The following EGFLAM variants were observed in gnomAD, a reference collection of about 807,000 sequenced individuals.
EGFLAM encodes the protein pikachurin.
Under a neutral mutation model 113.1 loss-of-function variants are expected in EGFLAM, and 79 were observed. That is an observed-to-expected ratio of 0.70 (90% CI 0.58 to 0.84). The LOEUF (loss-of-function observed/expected upper bound fraction) is 0.84. Among genes scored for constraint, EGFLAM ranks in the 40% least tolerant of loss-of-function variants. The pLI, the probability that EGFLAM is intolerant of heterozygous loss-of-function variation, is 0.00. For synonymous variants in EGFLAM, 504 were observed against 487.6 expected (o/e 1.03, Z -0.44); for missense variants, 1,265 against 1,291.6 (o/e 0.98, Z 0.32).
intron 1 of EGFLAM, among the ~76,000 whole-genome samples, chr5:38,294,168 A>G (rs960377654): frequency 4.6e-5 from 7 of 152,152 alleles, no homozygotes; most frequent in Non-Finnish European, 8.8e-5. Context: ...TCCTTGTTAT[A>G]GGTTAAACTC....
chr5:38,350,708 C>G (rs1561288871), intron 4 of EGFLAM, 90 bp downstream of exon 4: 2 of 1,240,410 alleles, frequency 1.6e-6, no homozygotes, highest in Non-Finnish European at 1.2e-6. Context: ...TACTATGTGC[C>G]AAGCACTGTG....
At chr5:38,283,088 A>T (rs751902954) in intron 1 of EGFLAM, among the ~76,000 whole-genome samples, 6 of 152,078 alleles carry the variant, frequency 3.9e-5, no homozygotes, top group Non-Finnish European at 8.8e-5. Context: ...CTGCCCACCT[A>T]GGCCTCCCAA....
chr5:38,390,482 G>A (rs1217501237), intron 6 of EGFLAM, among the ~76,000 whole-genome samples: 1 of 151,776 alleles, frequency 6.6e-6, no homozygotes, highest in African/African-American at 2.4e-5. Flanking sequence ...TTCCTTGTAT[G>A]TGTGTACAAG....
At position 38,456,469 on chromosome 5, in the gene EGFLAM, TC is replaced by T. The variant is rs1214673075; in HGVS notation, c.2688-1841del. ...AGTATTTAGCCACCAAATCATGAAA[TC>T]TCAAAATTCCGCCACCAGGCTGCTT... On this transcript the variant is annotated intron_variant, in intron 19 of 21. Coordinates refer to ENST00000322350, the MANE Select transcript of EGFLAM (RefSeq NM_152403.4). Among the ~76,000 whole-genome samples the T allele has an allele frequency of 5.3e-5, 8 of 152,254 alleles. No homozygotes were observed. The East Asian group carries it at 1.5e-3, about 29-fold the overall frequency.
intron 1 of EGFLAM, among the ~76,000 whole-genome samples, chr5:38,324,620 T>C (rs1420274043): frequency 6.6e-6 from 1 of 151,888 alleles, no homozygotes; most frequent in Non-Finnish European, 1.5e-5. Context: ...TCCAATCCAA[T>C]GGCCCCAGCC....
Position 38,406,139 on chromosome 5 carries a change from G to A in EGFLAM, c.726G>A (p.Ala242=), listed in dbSNP as rs757172542. Reference sequence around the variant, plus strand: ...TTCTTTGTGAAGGCCCTGAGGAGGCGGGAAGTGGCCGCTATGGACCCCGTT... The same window carrying A: ...TTCTTTGTGAAGGCCCTGAGGAGGCAGGAAGTGGCCGCTATGGACCCCGTT... ...DIIRTLCPEE[A]GSGRYGPRYI... Residue 242 remains alanine (A), a synonymous_variant, in exon 7 of 22, where the codon GCG becomes GCA. Coordinates refer to ENST00000322350, the MANE Select transcript of EGFLAM (RefSeq NM_152403.4). The A allele has an allele frequency of 7.4e-6, 12 of 1,614,084 alleles. No homozygotes were observed. The highest frequency in any genetic ancestry group is 3.3e-5 in the South Asian group (3 of 91,062).
intron 17 of EGFLAM, 105 bp downstream of exon 17, chr5:38,438,560 AC>A: frequency 1.8e-6 from 2 of 1,118,982 alleles, no homozygotes; most frequent in Non-Finnish European, 2.4e-6. Flanking sequence ...CAGTGGTACA[AC>A]CATAGTGGTT....
At chr5:38,460,789 C>T (rs1743245310) in intron 20 of EGFLAM, 1 of 152,236 alleles carries the variant, frequency 6.6e-6, no homozygotes, top group African/African-American at 2.4e-5. Flanking sequence ...TGAGCAGATA[C>T]CTTAATTCTC....
chr5:38,447,064 C>T (rs945195939), intron 17 of EGFLAM, among the ~76,000 whole-genome samples: 6 of 152,150 alleles, frequency 3.9e-5, no homozygotes, highest in African/African-American at 1.4e-4. Context: ...TTTCTTTAAA[C>T]CACCATTTCT....
In EGFLAM at chr5:38,445,782, G is replaced by C. The variant is rs73075497; in HGVS notation, c.2465-2519G>C. Reference sequence around the variant, plus strand: ...CCAACCGCATGCAGGGGGACCCGGGGTGAGTGGTGTGGGAGCTGGGACATG... The same window carrying C: ...CCAACCGCATGCAGGGGGACCCGGGCTGAGTGGTGTGGGAGCTGGGACATG... On this transcript the variant is annotated intron_variant, in intron 17 of 21. Coordinates refer to ENST00000322350, the MANE Select transcript of EGFLAM (RefSeq NM_152403.4). 4.0e-3 allele frequency: 5,832 copies of C among 1,451,628 alleles called. 197 individuals carry two copies. In the African/African-American group the frequency reaches 0.071, roughly 18 times the overall value. The allele number at this position is 1,451,628 out of a possible 1,614,324, so 89.9% of individuals were successfully genotyped here.
intron 20 of EGFLAM, among the ~76,000 whole-genome samples, chr5:38,462,100 C>T (rs1743299310): frequency 6.6e-6 from 1 of 152,062 alleles, no homozygotes; most frequent in Non-Finnish European, 1.5e-5. Flanking sequence ...CCCCGGGGGG[C>T]GGAGCCTGCA....
intron 1 of EGFLAM, among the ~76,000 whole-genome samples, chr5:38,278,466 T>C (rs1340632416): frequency 1.3e-5 from 2 of 151,582 alleles, no homozygotes; most frequent in African/African-American, 4.8e-5. Flanking sequence ...GGCAAAGAGC[T>C]CTATAACATT....
intron 3 of EGFLAM, among the ~76,000 whole-genome samples, chr5:38,343,599 G>C (rs971369351): frequency 2.6e-5 from 4 of 152,084 alleles, no homozygotes; most frequent in Non-Finnish European, 5.9e-5. Flanking sequence ...CAAAACTCTG[G>C]AAAATAACTT....
chr5:38,367,885 C>T (rs1740104519), intron 5 of EGFLAM, among the ~76,000 whole-genome samples: 1 of 152,200 alleles, frequency 6.6e-6, no homozygotes, highest in Non-Finnish European at 1.5e-5. Flanking sequence ...ATTCAATCTG[C>T]ATGAGCTTGT....
At chr5:38,327,153 T>G (rs1738912547) in intron 1 of EGFLAM, among the ~76,000 whole-genome samples, 1 of 152,214 alleles carries the variant, frequency 6.6e-6, no homozygotes, top group South Asian at 2.1e-4. Context: ...CTAAAAGATC[T>G]GCATCATTCA....
chr5:38,390,305 A>C (rs1328825205), intron 6 of EGFLAM, among the ~76,000 whole-genome samples: 1 of 152,152 alleles, frequency 6.6e-6, no homozygotes, highest in Non-Finnish European at 1.5e-5. Flanking sequence ...TTTTCTCTAC[A>C]ATCTTATGTT....
intron 5 of EGFLAM, among the ~76,000 whole-genome samples, chr5:38,367,870 C>T (rs1740104064): frequency 6.6e-6 from 1 of 152,160 alleles, no homozygotes; most frequent in African/African-American, 2.4e-5. Flanking sequence ...AGGTTTTGAA[C>T]AGGCATTCAA....
At chr5:38,417,347 C>CAAAAAAAAAAAAAAAA (rs752613827) in intron 11 of EGFLAM, among the ~76,000 whole-genome samples, 1 of 78,474 alleles carries the variant, frequency 1.3e-5, no homozygotes, top group Non-Finnish European at 2.2e-5. Flanking sequence ...GACTCTGTCT[C>CAAAAAAAAAAAAAAAA]AAAAAAAAAA....
In EGFLAM at chr5:38,364,882, C is replaced by A. The variant is rs192913596; in HGVS notation, c.546-5414C>A. ...GAGAGAAAATACTTAGGGAGGGAGC[C>A]ATCAAGTAACCCAGCGTCCTCCAGA... On this transcript the variant is annotated intron_variant, in intron 5 of 21. Transcript: ENST00000322350. Among the ~76,000 whole-genome samples the A allele has an allele frequency of 7.3e-3, 1,104 of 152,192 alleles. 12 individuals are homozygous for A. Among genetic ancestry groups the A allele is most frequent in the African/African-American group, 0.024 (1,015 of 41,502 alleles).
Sources: gnomAD v4.1 joint callset for allele counts (sites outside exome capture counted in the v4.1 genomes callset) on GRCh38, gnomAD v4.1.1 for gene constraint, MANE v1.5 for transcripts, NCBI Gene and HGNC (gene_info 2026-07-23, HGNC 2026-07-21) for gene names.